TNS3: variants seen among roughly 807,000 people sequenced by gnomAD.
The protein encoded by TNS3 is tensin 3.
A neutral mutation model predicts 140.9 loss-of-function variants in TNS3; 45 were observed. The ratio of observed to expected loss-of-function variants is 0.32; its 90% CI spans 0.25 to 0.41. The LOEUF (loss-of-function observed/expected upper bound fraction) is 0.41, where lower values mean the gene tolerates loss of function less well. TNS3 is among the 10% of genes least tolerant of loss of function. The pLI is 1.00. For missense variants in TNS3, 1,716 were observed against 1,906.7 expected, an observed-to-expected ratio of 0.90 and a Z score of 1.86; for synonymous variants, 815 against 788.4, an observed-to-expected ratio of 1.03 and a Z score of -0.56.
At chr7:47,507,711 T>C (rs1798471016) in intron 2 of TNS3, among the ~76,000 whole-genome samples, 1 of 152,156 alleles carries the variant, frequency 6.6e-6, no homozygotes, top group Non-Finnish European at 1.5e-5. Context: ...ACCACGGGCA[T>C]GCTGCAGGCA....
At chr7:47,366,223 G>C (rs1790689416) in intron 17 of TNS3, among the ~76,000 whole-genome samples, 1 of 152,120 alleles carries the variant, frequency 6.6e-6, no homozygotes, top group African/African-American at 2.4e-5. Flanking sequence ...GCATCGACCT[G>C]GACCTATTGT....
intron 4 of TNS3, among the ~76,000 whole-genome samples, chr7:47,450,747 C>CCT (rs1795976614): frequency 6.6e-6 from 1 of 152,200 alleles, no homozygotes; most frequent in Non-Finnish European, 1.5e-5. Flanking sequence ...TACCCAGGGG[C>CCT]CAATATGGGT....
intron 4 of TNS3, among the ~76,000 whole-genome samples, chr7:47,474,117 AACACAC>A (rs35049083): frequency 8.9e-5 from 13 of 145,422 alleles, no homozygotes; most frequent in Middle Eastern, 3.5e-3. Context: ...AGCAAGTCTC[AACACAC>A]ACACACACAC....
chr7:47,288,871 G>C (rs575461649), intron 27 of TNS3, among the ~76,000 whole-genome samples: 3 of 152,202 alleles, frequency 2.0e-5, no homozygotes, highest in Non-Finnish European at 4.4e-5. Context: ...CCTCAGGTCC[G>C]CATGGCTAAG....
intron 1 of TNS3, among the ~76,000 whole-genome samples, chr7:47,565,950 T>G (rs542479469): frequency 1.0e-3 from 154 of 152,302 alleles, no homozygotes; most frequent in African/African-American, 3.5e-3. Context: ...TGGCATGATA[T>G]GCGTGGATTA....
intron 3 of TNS3, among the ~76,000 whole-genome samples, chr7:47,499,302 T>A (rs953282856): frequency 6.6e-6 from 1 of 152,196 alleles, no homozygotes; most frequent in Non-Finnish European, 1.5e-5. Context: ...GACTTTCTAA[T>A]TAAAATGAGT....
At chr7:47,533,888 G>A (rs181403712) in intron 1 of TNS3, among the ~76,000 whole-genome samples, 59 of 152,260 alleles carry the variant, frequency 3.9e-4, no homozygotes, top group Non-Finnish European at 6.9e-4. Flanking sequence ...GTGGAACTGT[G>A]AGTCCATTAA....
intron 1 of TNS3, among the ~76,000 whole-genome samples, chr7:47,537,594 C>T (rs556384590): frequency 1.4e-4 from 21 of 152,240 alleles, no homozygotes; most frequent in African/African-American, 4.3e-4. Context: ...GATTTCAAAC[C>T]TCTCCGAGAA....
intron 4 of TNS3, among the ~76,000 whole-genome samples, chr7:47,474,117 A>AACACACACACACACAC (rs35049083): frequency 0.012 from 1,703 of 145,368 alleles, 15 homozygotes; most frequent in African/African-American, 0.026. Flanking sequence ...AGCAAGTCTC[A>AACACACACACACACAC]ACACACACAC....
chr7:47,441,639 CCA>C (rs1368041318), intron 5 of TNS3, among the ~76,000 whole-genome samples: 1 of 152,338 alleles, frequency 6.6e-6, no homozygotes, highest in Admixed American at 6.5e-5. Context: ...TCATGAGGAT[CCA>C]CAGTGAGTGC....
rs75104116 is a variant in TNS3 at position 47,302,890 on chromosome 7, C to T, written c.3457+60G>A. The T allele has an allele frequency of 2.9e-4, 450 of 1,537,936 alleles. 1 individual carries two copies. In the African/African-American group the frequency reaches 5.6e-3, roughly 19 times the overall value. On this transcript the variant is annotated intron_variant, in intron 22 of 30. Coordinates refer to ENST00000311160, the MANE Select transcript of TNS3 (RefSeq NM_022748.12). ...TGCCAGCTCAGCTGCAGGTCTGAAC[C>T]CTTCCCTTCCCCAGTGAATGGACAG... is the stretch of plus-strand genomic sequence containing the variant.
chr7:47,442,322 G>A (rs1795506449), intron 4 of TNS3, among the ~76,000 whole-genome samples: 1 of 152,232 alleles, frequency 6.6e-6, no homozygotes, highest in South Asian at 2.1e-4. Flanking sequence ...TCAGGGCAAG[G>A]TAGGCATCGC....
In TNS3 at chr7:47,346,249, T is replaced by C; in HGVS notation, c.2389A>G (p.Lys797Glu). 3 of 1,614,184 alleles carry C rather than the reference T, an allele frequency of 1.9e-6. No homozygotes were observed. The highest frequency in any genetic ancestry group is 2.2e-5 in the East Asian group (1 of 44,870). The change falls in exon 18 of 31, where the codon AAG becomes GAG. Residue 797 changes from lysine to glutamate, a missense_variant. This residue lies in a region of TNS3 where 1,163 missense variants were observed against 1,182.1 expected (regional missense o/e 0.98). Coordinates refer to ENST00000311160, the MANE Select transcript of TNS3 (RefSeq NM_022748.12). ...TTTGGGGCATAGTCCACACCAGCCT[T>C]TCCCCATGCACATTTGGAGAAGGGC... The part of the protein sequence containing the change: ...QLPFSKCAWG[K>E]AGVDYAPNLP...
At chr7:47,560,256 C>T (rs191713493) in intron 1 of TNS3, among the ~76,000 whole-genome samples, 1 of 152,008 alleles carries the variant, frequency 6.6e-6, no homozygotes, top group Non-Finnish European at 1.5e-5. Flanking sequence ...CCCCAGGGAG[C>T]TCCCTCACCC....
chr7:47,488,804 G>C (rs986994246), intron 3 of TNS3, among the ~76,000 whole-genome samples: 1 of 150,382 alleles, frequency 6.6e-6, no homozygotes, highest in East Asian at 1.9e-4. Context: ...AGGTGAGGCC[G>C]GGGGCTCCTG....
intron 25 of TNS3, 141 bp from the exon 26 acceptor site, chr7:47,293,046 A>C: frequency 1.5e-6 from 1 of 651,646 alleles, no homozygotes; most frequent in Non-Finnish European, 2.6e-6. Flanking sequence ...ATTAGTGTGC[A>C]GCTTTGTGTA....
At position 47,488,037 on chromosome 7, in the gene TNS3, C is replaced by T. The variant is rs1334247505; in HGVS notation, c.-114-6896G>A. On this transcript the variant is annotated intron_variant, in intron 3 of 30. Transcript: ENST00000311160. ...TTGGGACTCTTCTATAATCTCTACACGGAGTAGCAGCCTGGTTGCAAGGAG... is the reference window on the plus strand; with the variant it reads ...TTGGGACTCTTCTATAATCTCTACATGGAGTAGCAGCCTGGTTGCAAGGAG... Among the ~76,000 whole-genome samples the T allele has an allele frequency of 3.9e-5, 6 of 152,198 alleles. No individual in the cohort carries two copies. The East Asian group carries it at 5.8e-4, about 15-fold the overall frequency.
intron 2 of TNS3, among the ~76,000 whole-genome samples, chr7:47,507,579 A>C (rs1229819029): frequency 6.6e-6 from 1 of 152,198 alleles, no homozygotes; most frequent in Non-Finnish European, 1.5e-5. Context: ...GAACGGAGCG[A>C]GTCCTGTGTC....
intron 2 of TNS3, among the ~76,000 whole-genome samples, chr7:47,517,394 C>T (rs1798814336): frequency 1.3e-5 from 2 of 152,194 alleles, no homozygotes; most frequent in Non-Finnish European, 2.9e-5. Context: ...AAGCCACCCA[C>T]AGGGCAAGCC....
Sources: gnomAD v4.1 joint callset for allele counts (sites outside exome capture counted in the v4.1 genomes callset) on GRCh38, gnomAD v4.1.1 for gene constraint, gnomAD v4.1.1 regional missense constraint, MANE v1.5 for transcripts, NCBI Gene and HGNC (gene_info 2026-07-23, HGNC 2026-07-21) for gene names.